The following PHLPP2 variants were observed in gnomAD, a reference collection of about 807,000 sequenced individuals.
The protein encoded by PHLPP2 is PH domain and leucine rich repeat protein phosphatase 2.
PHLPP2 carries 66 observed loss-of-function variants against 124.9 expected under a neutral mutation model. That is an observed-to-expected ratio of 0.53 (90% confidence interval 0.43 to 0.65). PHLPP2 has a LOEUF of 0.65. PHLPP2 is among the 30% of genes least tolerant of loss of function. PHLPP2 has a pLI of 0.00. For synonymous variants in PHLPP2, 681 were observed against 624.7 expected (o/e 1.09, Z -1.34); for missense variants, 1,685 against 1,600.4 (o/e 1.05, Z -0.90).
intron 1 of PHLPP2, among the ~76,000 whole-genome samples, chr16:71,718,470 C>A (rs1337595532): frequency 2.6e-5 from 4 of 151,596 alleles, no homozygotes; most frequent in Middle Eastern, 6.8e-3. Context: ...ATCCCAAATA[C>A]TTGGGAGGCT....
intron 3 of PHLPP2, among the ~76,000 whole-genome samples, chr16:71,698,179 G>C (rs2045193261): frequency 6.6e-6 from 1 of 152,136 alleles, no homozygotes; most frequent in Non-Finnish European, 1.5e-5. Flanking sequence ...AGCATTAAGA[G>C]GGGGCAGCAC....
intron 3 of PHLPP2, 74 bp from the exon 4 acceptor site, chr16:71,690,783 T>C: frequency 1.9e-6 from 2 of 1,045,660 alleles, no homozygotes; most frequent in Non-Finnish European, 1.4e-6. Context: ...AAGAAAGCAT[T>C]GTGTGTCAAC....
chr16:71,723,814 G>C, intron 1 of PHLPP2: 1 of 1,284,492 alleles, frequency 7.8e-7, no homozygotes, highest in Admixed American at 3.6e-5. Context: ...CGGGCGCTTC[G>C]GGCGGCTCCG....
intron 9 of PHLPP2, 73 bp from the exon 10 acceptor site, chr16:71,672,395 G>C: frequency 9.4e-7 from 1 of 1,064,904 alleles, no homozygotes; most frequent in Non-Finnish European, 1.5e-6. Context: ...CAATGGAAAA[G>C]TAGCTTAGTG....
chr16:71,678,639 C>A, intron 8 of PHLPP2, 116 bp downstream of exon 8: 1 of 665,502 alleles, frequency 1.5e-6, no homozygotes, highest in South Asian at 1.9e-5. Flanking sequence ...GACCTTGTCT[C>A]AAAACAACAA....
intron 2 of PHLPP2, among the ~76,000 whole-genome samples, chr16:71,704,144 G>C (rs1467015601): frequency 1.3e-5 from 2 of 151,636 alleles, no homozygotes; most frequent in Non-Finnish European, 2.9e-5. Flanking sequence ...CTCCATCTCT[G>C]CTAAAAATAC....
At chr16:71,719,227 C>T (rs531276976) in intron 1 of PHLPP2, among the ~76,000 whole-genome samples, 2 of 152,280 alleles carry the variant, frequency 1.3e-5, no homozygotes, top group South Asian at 2.1e-4. Context: ...ATACAAAGAG[C>T]GTATTTTAGA....
At chr16:71,703,668 G>C (rs1020180407) in intron 2 of PHLPP2, among the ~76,000 whole-genome samples, 1 of 152,152 alleles carries the variant, frequency 6.6e-6, no homozygotes, top group Non-Finnish European at 1.5e-5. Flanking sequence ...TCAAGTCTTA[G>C]TCCTGCCACT....
At chr16:71,677,940 G>GA (rs2044962344) in intron 8 of PHLPP2, 1 of 152,090 alleles carries the variant, frequency 6.6e-6, no homozygotes, top group African/African-American at 2.4e-5. Context: ...TTAAAACAAT[G>GA]AAATACTTTT....
chr16:71,678,809 A>C lies in PHLPP2; in HGVS notation c.1214T>G (p.Val405Gly). ...RVVMAGNCLE[V>G]LNLGVLNRMN... ...CCTATTCAGCACCCCTAAGTTCAGGACTTCCAGGCAATTTCCTGCCATAAC... is the reference window on the plus strand; with the variant it reads ...CCTATTCAGCACCCCTAAGTTCAGGCCTTCCAGGCAATTTCCTGCCATAAC... Residue 405 changes from valine to glycine, a missense_variant, in exon 8 of 19, where the codon GTC becomes GGC. Physicochemically the swap from Val to Gly is moderately radical, Grantham distance 109. Transcript: ENST00000568954. 1 of 1,612,744 alleles carries C rather than the reference A, an allele frequency of 6.2e-7. No homozygotes were observed. Among genetic ancestry groups the C allele is most frequent in the Non-Finnish European group, 8.5e-7 (1 of 1,178,732 alleles).
chr16:71,650,714 A>G (rs2044689937), intron 18 of PHLPP2, among the ~76,000 whole-genome samples: 1 of 152,240 alleles, frequency 6.6e-6, no homozygotes, highest in Non-Finnish European at 1.5e-5. Context: ...CAAGAAACGA[A>G]AAAAATACAA....
At chr16:71,693,656 T>C (rs2045137715) in intron 3 of PHLPP2, among the ~76,000 whole-genome samples, 2 of 152,204 alleles carry the variant, frequency 1.3e-5, no homozygotes, top group Admixed American at 6.5e-5. Context: ...GGAGCACCCA[T>C]GGCCCAAAAC....
intron 7 of PHLPP2, 134 bp downstream of exon 7, chr16:71,679,255 C>T: frequency 1.3e-6 from 1 of 783,358 alleles, no homozygotes; most frequent in East Asian, 2.6e-5. Flanking sequence ...AGGTCAAAAA[C>T]TGCTGCTGAC....
Position 71,676,624 on chromosome 16 carries a change from T to C in PHLPP2, c.1294A>G (p.Ile432Val), listed in dbSNP as rs1438706412. Reference protein sequence around the residue: ...LRMNHLKTMVIENLEGNKHIT... With the variant: ...LRMNHLKTMVVENLEGNKHIT... The stretch of plus-strand genomic sequence containing the variant: ...TGTTTATTTCCCTCCAGATTTTCAA[T>C]AACCATGGTTTTCAAATGGTTCATC... Residue 432 changes from isoleucine (I) to valine (V), a missense_variant, in exon 9 of 19, where the codon ATT (isoleucine) becomes GTT (valine). Physicochemically the swap from Ile to Val is conservative, Grantham distance 29. Transcript: ENST00000568954. 4 of 1,613,538 alleles carry C rather than the reference T, an allele frequency of 2.5e-6. No homozygotes were observed. The highest frequency in any genetic ancestry group is 1.6e-4 in the Middle Eastern group (1 of 6,062).
chr16:71,679,166 C>T (rs2145337121), intron 7 of PHLPP2, among the ~76,000 whole-genome samples, 181 bp from the exon 8 acceptor site: 1 of 152,284 alleles, frequency 6.6e-6, no homozygotes, highest in East Asian at 1.9e-4. Context: ...AACAAATGGT[C>T]CCTCCAACAT....
rs1456522231 is a variant in PHLPP2, at chr16:71,646,777, CT to C, written c.*2112del. On this transcript the variant is annotated 3_prime_UTR_variant, in exon 19 of 19. Coordinates refer to ENST00000568954, the MANE Select transcript of PHLPP2 (RefSeq NM_015020.3). ...CCATCTTTCTAACAGCACCTAAACT[CT>C]GTGTGAGCCACTATGTTCCCTACTT... The C allele has an allele frequency of 1.3e-5, 2 of 152,166 alleles. No individual in the cohort carries two copies. The highest frequency in any genetic ancestry group is 2.9e-5 in the Non-Finnish European group (2 of 68,038). 9.4% of individuals were successfully genotyped at this position (152,166 alleles called of 1,614,324 possible).
chr16:71,701,762 G>T (rs200183944), intron 3 of PHLPP2, among the ~76,000 whole-genome samples: 3 of 152,084 alleles, frequency 2.0e-5, no homozygotes, highest in Non-Finnish European at 2.9e-5. Flanking sequence ...CTGAAAATAG[G>T]AAGTAAAGTA....
intron 15 of PHLPP2, among the ~76,000 whole-genome samples, chr16:71,657,096 T>C (rs2044748547): frequency 1.3e-5 from 2 of 151,996 alleles, no homozygotes; most frequent in South Asian, 4.2e-4. Context: ...GCACCTGCCG[T>C]AACAACCAGC....
chr16:71,681,677 G>C (rs1173334739), intron 6 of PHLPP2, 74 bp downstream of exon 6: 2 of 1,117,968 alleles, frequency 1.8e-6, no homozygotes, highest in Non-Finnish European at 2.5e-6. Context: ...TACAATGGTA[G>C]CAGGTAGAAG....
Sources: allele counts gnomAD v4.1 joint callset (sites outside exome capture counted in the v4.1 genomes callset), GRCh38; gene constraint gnomAD v4.1.1; transcripts MANE v1.5; gene names NCBI Gene and HGNC (gene_info 2026-07-23, HGNC 2026-07-21).